COL22A1: variants seen among roughly 807,000 people sequenced by gnomAD.
The protein encoded by COL22A1 is collagen type XXII alpha 1 chain.
Under a neutral mutation model 248.9 loss-of-function variants are expected in COL22A1, and 221 were observed. That is an observed-to-expected ratio of 0.89 (90% CI 0.80 to 0.99). The LOEUF (loss-of-function observed/expected upper bound fraction) is 0.99, where lower values mean the gene tolerates loss of function less well. Ranked by LOEUF, COL22A1 falls within the 50% of genes least tolerant of loss-of-function variation. COL22A1 has a pLI of 0.00. For missense variants in COL22A1, 2,240 were observed against 2,179.0 expected (o/e 1.03, Z -0.56); for synonymous variants, 891 against 793.4 (o/e 1.12, Z -2.07).
At chr8:138,757,161 C>A (rs572637404) in intron 18 of COL22A1, among the ~76,000 whole-genome samples, 2 of 152,334 alleles carry the variant, frequency 1.3e-5, no homozygotes, top group East Asian at 3.9e-4. Flanking sequence ...TCTCCATACA[C>A]TCAGATCCCA....
chr8:138,641,305 T>C (rs929553956), intron 47 of COL22A1, among the ~76,000 whole-genome samples: 1 of 152,200 alleles, frequency 6.6e-6, no homozygotes, highest in African/African-American at 2.4e-5. Flanking sequence ...ATGAGGACTT[T>C]TGCTCATTGG....
intron 41 of COL22A1, among the ~76,000 whole-genome samples, chr8:138,671,755 C>G (rs1260592081): frequency 6.6e-6 from 1 of 152,206 alleles, no homozygotes; most frequent in African/African-American, 2.4e-5. Flanking sequence ...AGGTCTGCAG[C>G]TGTGGCTGCA....
chr8:138,631,478 C>A (rs1211553396), intron 49 of COL22A1, among the ~76,000 whole-genome samples: 1 of 152,084 alleles, frequency 6.6e-6, no homozygotes, highest in Non-Finnish European at 1.5e-5. Flanking sequence ...CATTTCAGGA[C>A]AAAAAGTAAT....
intron 1 of COL22A1, among the ~76,000 whole-genome samples, chr8:138,885,431 A>G (rs1016090321): frequency 4.0e-5 from 6 of 151,886 alleles, no homozygotes; most frequent in Non-Finnish European, 7.4e-5. Context: ...GGAAAGCCAG[A>G]CCCCCATTCT....
chr8:138,804,740 A>ATGAGGGGTGTGTG lies in COL22A1; in HGVS notation c.1495-1807_1495-1806insCACACACCCCTCA, dbSNP rs1563784241. Among the ~76,000 whole-genome samples, 55 of 147,992 alleles carry ATGAGGGGTGTGTG rather than the reference A, an allele frequency of 3.7e-4. 1 individual carries two copies. Among genetic ancestry groups the ATGAGGGGTGTGTG allele is most frequent in the African/African-American group, 8.0e-4 (32 of 40,142 alleles). On this transcript the variant is annotated intron_variant, in intron 10 of 64. Transcript: ENST00000303045. The stretch of plus-strand genomic sequence containing the variant: ...ATGGTGTGTGTGATGAGGGGTGTGT[A>ATGAGGGGTGTGTG]TGTGATGAGGGGTGTGTGTGTGATG...
intron 12 of COL22A1, among the ~76,000 whole-genome samples, chr8:138,790,147 G>A (rs897192698): frequency 6.6e-6 from 1 of 152,192 alleles, no homozygotes; most frequent in African/African-American, 2.4e-5. Flanking sequence ...CTGTTCCAGA[G>A]GCTGGAAAAG....
chr8:138,655,749 C>G, intron 45 of COL22A1, 148 bp downstream of exon 45: 1 of 752,458 alleles, frequency 1.3e-6, no homozygotes, highest in East Asian at 2.4e-5. Flanking sequence ...ACATCACCAG[C>G]CACATGCTGA....
chr8:138,897,082 A>C (rs1386934551), intron 1 of COL22A1, among the ~76,000 whole-genome samples: 1 of 152,000 alleles, frequency 6.6e-6, no homozygotes, highest in Non-Finnish European at 1.5e-5. Context: ...TCCATTATCT[A>C]TCTGTTTTAT....
chr8:138,811,847 C>G lies in COL22A1; in HGVS notation c.1401G>C (p.Gln467His), dbSNP rs546654056. ...AGTTGATGGTCTTCAAAAACCCAATCTGTTCACTGCCTGGGGTGGGAGGCC... is the reference window on the plus strand; with the variant it reads ...AGTTGATGGTCTTCAAAAACCCAATGTGTTCACTGCCTGGGGTGGGAGGCC... ...PQRPPTPGSEQIGFLKTINCS... is the reference protein window; with the variant it reads ...PQRPPTPGSEHIGFLKTINCS... The change falls in exon 9 of 65, where the codon CAG becomes CAC. Residue 467 changes from glutamine (Q) to histidine (H), a missense_variant. By Grantham distance (24) the Gln-to-His change is conservative (BLOSUM62 0). Coordinates refer to ENST00000303045, the MANE Select transcript of COL22A1 (RefSeq NM_152888.3). The G allele has an allele frequency of 7.1e-7, 1 of 1,414,984 alleles. No homozygotes were observed. Among genetic ancestry groups the G allele is most frequent in the African/African-American group, 1.5e-5 (1 of 66,862 alleles). The allele number at this position is 1,414,984 out of a possible 1,614,324, so 87.7% of individuals were successfully genotyped here.
intron 3 of COL22A1, among the ~76,000 whole-genome samples, chr8:138,869,586 G>A (rs1281750940): frequency 1.3e-5 from 2 of 152,196 alleles, no homozygotes; most frequent in Non-Finnish European, 2.9e-5. Context: ...CTTCTTTGAA[G>A]TACACACATT....
At chr8:138,704,133 G>A (rs118014070) in intron 30 of COL22A1, among the ~76,000 whole-genome samples, 6,620 of 152,244 alleles carry the variant, frequency 0.043, 196 homozygotes, top group East Asian at 0.12. Context: ...CGGGAGGCTC[G>A]AACTGGGTGG....
intron 45 of COL22A1, among the ~76,000 whole-genome samples, chr8:138,650,854 G>A (rs994803541): frequency 3.3e-5 from 5 of 152,178 alleles, no homozygotes; most frequent in African/African-American, 1.2e-4. Flanking sequence ...GTCAGGCACT[G>A]TGCTAAGTTT....
intron 1 of COL22A1, among the ~76,000 whole-genome samples, chr8:138,895,593 G>A (rs963817224): frequency 2.0e-5 from 3 of 152,000 alleles, no homozygotes; most frequent in South Asian, 2.1e-4. Flanking sequence ...TGAAACAACA[G>A]ACCAATAGAA....
At chr8:138,694,243 G>A (rs988236469) in intron 34 of COL22A1, among the ~76,000 whole-genome samples, 14 of 152,310 alleles carry the variant, frequency 9.2e-5, no homozygotes, top group South Asian at 4.1e-4. Flanking sequence ...GGGAGAGCAC[G>A]GCAGAAACCT....
At chr8:138,769,292 G>A (rs757270522) in intron 16 of COL22A1, among the ~76,000 whole-genome samples, 29 of 152,124 alleles carry the variant, frequency 1.9e-4, no homozygotes, top group African/African-American at 2.7e-4. Flanking sequence ...TGCTGTACTC[G>A]GACCACATAA....
intron 3 of COL22A1, among the ~76,000 whole-genome samples, chr8:138,849,843 T>G (rs1433448251): frequency 6.6e-6 from 1 of 152,002 alleles, no homozygotes; most frequent in East Asian, 1.9e-4. Flanking sequence ...TGTAGGCATC[T>G]GAGCTCTTAA....
intron 30 of COL22A1, among the ~76,000 whole-genome samples, chr8:138,706,518 A>G (rs535813546): frequency 6.6e-6 from 1 of 152,312 alleles, no homozygotes; most frequent in East Asian, 1.9e-4. Flanking sequence ...GAAACTGAAC[A>G]ACCTGCTCCT....
At chr8:138,632,783 G>A (rs990736845) in intron 49 of COL22A1, among the ~76,000 whole-genome samples, 2 of 152,112 alleles carry the variant, frequency 1.3e-5, no homozygotes, top group Non-Finnish European at 1.5e-5. Context: ...TGAAATAAAG[G>A]GAGAGTGATA....
intron 16 of COL22A1, among the ~76,000 whole-genome samples, chr8:138,773,796 A>G (rs1045293555): frequency 6.6e-6 from 1 of 152,246 alleles, no homozygotes; most frequent in Admixed American, 6.5e-5. Flanking sequence ...CTCAGGTGAC[A>G]GCCAGCGTGT....
Sources: gnomAD v4.1 joint callset for allele counts (sites outside exome capture counted in the v4.1 genomes callset) on GRCh38, gnomAD v4.1.1 for gene constraint, MANE v1.5 for transcripts, NCBI Gene and HGNC (gene_info 2026-07-23, HGNC 2026-07-21) for gene names.